ATP8A1: variants seen among roughly 807,000 people sequenced by gnomAD.
ATP8A1 encodes phospholipid-transporting ATPase IA.
ATP8A1 carries 90 observed loss-of-function variants against 177.7 expected under a neutral mutation model. The observed-to-expected ratio is 0.51, with a 90% CI of 0.43 to 0.60. The LOEUF (loss-of-function observed/expected upper bound fraction) is 0.60, where lower values mean the gene tolerates loss of function less well. Among genes scored for constraint, ATP8A1 ranks in the 20% least tolerant of loss-of-function variants. The pLI is 0.00. For missense variants in ATP8A1, 1,072 were observed against 1,392.8 expected, an observed-to-expected ratio of 0.77 and a Z score of 3.67; for synonymous variants, 493 against 485.9, an observed-to-expected ratio of 1.01 and a Z score of -0.19.
In ATP8A1 at chr4:42,471,962, C is replaced by T. The variant is rs73160933; in HGVS notation, c.2325-6886G>A. The T allele has an allele frequency of 2.0e-3, 1,394 of 695,024 alleles. 18 individuals carry two copies. The African/African-American group carries it at 0.022, about 11-fold the overall frequency. The allele number at this position is 695,024 out of a possible 1,614,324, so 43.1% of individuals were successfully genotyped here. On this transcript the variant is annotated intron_variant, in intron 25 of 36. Transcript: ENST00000381668. The stretch of plus-strand genomic sequence containing the variant: ...CTGAGTATTACAGCAGCCAAAGAGC[C>T]TAAGTTGGTGGTGTCCAGAAAGCTA...
chr4:42,582,612 G>C (rs1733212408), intron 9 of ATP8A1, among the ~76,000 whole-genome samples: 1 of 151,122 alleles, frequency 6.6e-6, no homozygotes, highest in South Asian at 2.1e-4. Flanking sequence ...TGCATTGCCA[G>C]CCCTGACCCC....
At chr4:42,620,105 A>G (rs942449999) in intron 4 of ATP8A1, among the ~76,000 whole-genome samples, 8 of 152,230 alleles carry the variant, frequency 5.3e-5, no homozygotes, top group Admixed American at 3.9e-4. Context: ...TGGCAGCTCA[A>G]GAGTTCTTCA....
intron 20 of ATP8A1, among the ~76,000 whole-genome samples, chr4:42,530,269 G>A (rs942526079): frequency 6.6e-6 from 1 of 152,330 alleles, no homozygotes; most frequent in Admixed American, 6.5e-5. Context: ...TTTGCCAGCC[G>A]CAGAGACCAG....
chr4:42,574,804 C>A (rs1302351422), intron 13 of ATP8A1, 97 bp from the exon 14 acceptor site: 2 of 752,936 alleles, frequency 2.7e-6, no homozygotes, highest in Non-Finnish European at 4.3e-6. Context: ...ATTGCAGGGG[C>A]ACAATGAATA....
At chr4:42,494,723 C>G (rs1377785296) in intron 24 of ATP8A1, among the ~76,000 whole-genome samples, 1 of 152,204 alleles carries the variant, frequency 6.6e-6, no homozygotes, top group Non-Finnish European at 1.5e-5. Flanking sequence ...TGATAGAATT[C>G]TTAACTGAAA....
chr4:42,537,421 A>T (rs1187279694), intron 20 of ATP8A1, among the ~76,000 whole-genome samples: 1 of 152,100 alleles, frequency 6.6e-6, no homozygotes, highest in Non-Finnish European at 1.5e-5. Flanking sequence ...AGCCAGAGCA[A>T]TCAGATAAGA....
rs1459886316 is a variant in ATP8A1, at chr4:42,629,536, T to G, written c.50-2427A>C. On this transcript the variant is annotated intron_variant, in intron 1 of 36. Transcript: ENST00000381668. Reference sequence around the variant, plus strand: ...GTGGAGCTGGTAGGCACCTCTCCCCTGTCTCCTCAGCAGTGACATGGAGAG... The same window carrying G: ...GTGGAGCTGGTAGGCACCTCTCCCCGGTCTCCTCAGCAGTGACATGGAGAG... Among the ~76,000 whole-genome samples, 4 of 152,222 alleles carry G rather than the reference T, an allele frequency of 2.6e-5. No homozygotes were observed. In the South Asian group the frequency reaches 8.3e-4, roughly 31 times the overall value.
chr4:42,649,113 G>A, intron 1 of ATP8A1, among the ~76,000 whole-genome samples: 1 of 152,130 alleles, frequency 6.6e-6, no homozygotes, highest in East Asian at 1.9e-4. Flanking sequence ...TTATTCAAGA[G>A]TTTAAAAAAC....
rs759590059 is a variant in ATP8A1 at position 42,624,521 on chromosome 4, A to C, written c.363+15T>G. On this transcript the variant is annotated intron_variant, in intron 4 of 36. Transcript: ENST00000381668. The stretch of plus-strand genomic sequence containing the variant: ...AACAAAGTCACATACAATTATGAAA[A>C]AATAGAATACTTACAATATCTTCTA... 1 of 1,331,238 alleles carries C rather than the reference A, an allele frequency of 7.5e-7. No homozygotes were observed. The highest frequency in any genetic ancestry group is 2.6e-5 in the Admixed American group (1 of 38,452). 82.5% of individuals were successfully genotyped at this position (1,331,238 alleles called of 1,614,324 possible).
Position 42,638,080 on chromosome 4 carries a change from G to C in ATP8A1, c.50-10971C>G, listed in dbSNP as rs189867693. ...GGAAGTAACATGAATGACCCTTCAG[G>C]AAAGTCCCTTCTGTGCACTAAATGT... On this transcript the variant is annotated intron_variant, in intron 1 of 36. Coordinates refer to ENST00000381668, the MANE Select transcript of ATP8A1 (RefSeq NM_006095.2). Among the ~76,000 whole-genome samples the C allele has an allele frequency of 2.0e-4, 30 of 152,140 alleles. 1 individual carries two copies. Among genetic ancestry groups the C allele is most frequent in the Admixed American group, 2.0e-3 (30 of 15,280 alleles).
At chr4:42,472,967 G>T (rs915106837) in intron 25 of ATP8A1, among the ~76,000 whole-genome samples, 4 of 151,730 alleles carry the variant, frequency 2.6e-5, no homozygotes, top group African/African-American at 9.7e-5. Flanking sequence ...GGAGAATGAG[G>T]GTCTAAACGT....
At chr4:42,601,233 A>G (rs1371362267) in intron 5 of ATP8A1, among the ~76,000 whole-genome samples, 1 of 151,844 alleles carries the variant, frequency 6.6e-6, no homozygotes. Flanking sequence ...ACAGCATTTC[A>G]TCATGTTGGC....
At chr4:42,506,385 TCTG>T (rs1430283483) in intron 23 of ATP8A1, among the ~76,000 whole-genome samples, 1 of 152,226 alleles carries the variant, frequency 6.6e-6, no homozygotes, top group Non-Finnish European at 1.5e-5. Flanking sequence ...AGACACCAAA[TCTG>T]CTGGTGCCTT....
At chr4:42,473,202 A>G (rs1284763257) in intron 25 of ATP8A1, among the ~76,000 whole-genome samples, 2 of 152,220 alleles carry the variant, frequency 1.3e-5, no homozygotes, top group African/African-American at 4.8e-5. Context: ...GTATGTGATT[A>G]AAGCTCTGCG....
intron 22 of ATP8A1, among the ~76,000 whole-genome samples, chr4:42,514,575 G>C (rs1474010096): frequency 2.6e-5 from 4 of 152,158 alleles, no homozygotes; most frequent in African/African-American, 9.7e-5. Context: ...GTCTCAAACA[G>C]GCTGATGAGC....
At chr4:42,518,850 A>T (rs1346774672) in intron 22 of ATP8A1, among the ~76,000 whole-genome samples, 1 of 152,200 alleles carries the variant, frequency 6.6e-6, no homozygotes, top group East Asian at 1.9e-4. Flanking sequence ...TTCTGGAAGA[A>T]TCTGTGGTCT....
chr4:42,525,040 T>C (rs1277181961), intron 20 of ATP8A1, among the ~76,000 whole-genome samples, 193 bp from the exon 21 acceptor site: 2 of 152,218 alleles, frequency 1.3e-5, no homozygotes, highest in Non-Finnish European at 2.9e-5. Context: ...TAGTCTTGCA[T>C]CTTCATCTTT....
intron 29 of ATP8A1, among the ~76,000 whole-genome samples, 167 bp downstream of exon 29, chr4:42,455,130 T>G (rs1157956128): frequency 2.0e-5 from 3 of 152,116 alleles, no homozygotes; most frequent in African/African-American, 7.2e-5. Context: ...ACAAAAAACC[T>G]TCTCTGCCTG....
At chr4:42,494,894 C>A (rs1337559783) in intron 24 of ATP8A1, among the ~76,000 whole-genome samples, 1 of 152,202 alleles carries the variant, frequency 6.6e-6, no homozygotes, top group Non-Finnish European at 1.5e-5. Flanking sequence ...CACAACACCA[C>A]TGAGTTCATT....
Sources: gnomAD v4.1 joint callset for allele counts (sites outside exome capture counted in the v4.1 genomes callset) on GRCh38, gnomAD v4.1.1 for gene constraint, MANE v1.5 for transcripts, NCBI Gene and HGNC (gene_info 2026-07-23, HGNC 2026-07-21) for gene names.